Variants in EXOC1L observed in about 807,000 individuals in gnomAD.
The protein encoded by EXOC1L is exocyst complex component 1-like.
EXOC1L carries 10 observed loss-of-function variants against 4.9 expected under a neutral mutation model. The observed-to-expected ratio is 2.02, with a 90% CI of 1.25 to 3.43. The LOEUF is 3.43. Among genes scored for constraint, EXOC1L ranks in the 30% most tolerant of loss-of-function variants. The pLI is 0.00. For synonymous variants in EXOC1L, 41 were observed against 20.8 expected (o/e 1.97, Z -2.63); for missense variants, 114 against 59.4 (o/e 1.92, Z -3.02).
At chr4:55,827,338 C>A (rs1045576128) in intron 1 of EXOC1L, among the ~76,000 whole-genome samples, 1 of 152,182 alleles carries the variant, frequency 6.6e-6, no homozygotes, top group African/African-American at 2.4e-5. Flanking sequence ...CCATTTACAA[C>A]TCAGGTTACC....
chr4:55,835,132 T>C (rs1264119321), intron 2 of EXOC1L, among the ~76,000 whole-genome samples: 1 of 151,754 alleles, frequency 6.6e-6, no homozygotes, highest in Non-Finnish European at 1.5e-5. Flanking sequence ...TCCAATTCCA[T>C]CCAGGTTGCT....
chr4:55,819,940 G>A lies in EXOC1L; in HGVS notation c.-87G>A, dbSNP rs74737871. On this transcript the variant is annotated 5_prime_UTR_variant, in exon 1 of 3. Coordinates refer to ENST00000636125, the MANE Select transcript of EXOC1L (RefSeq NM_001351574.3). ...GGTGGGCAGGACTCACCAAGGAGCT[G>A]CAAACCCAAACGAGAAATCTAGGGA... 8.0e-3 allele frequency: 3,156 copies of A among 394,980 alleles called. 43 individuals are homozygous for A. The highest frequency in any genetic ancestry group is 0.043 in the African/African-American group (2,074 of 48,646). 24.5% of individuals were successfully genotyped at this position (394,980 alleles called of 1,614,324 possible).
At chr4:55,828,983 T>A (rs112936511) in intron 1 of EXOC1L, among the ~76,000 whole-genome samples, 1 of 152,210 alleles carries the variant, frequency 6.6e-6, no homozygotes, top group Admixed American at 6.5e-5. Context: ...TTGAGATAAT[T>A]TGTGGCTACT....
chr4:55,827,637 A>G (rs532190379), intron 1 of EXOC1L, among the ~76,000 whole-genome samples: 42 of 152,324 alleles, frequency 2.8e-4, no homozygotes, highest in Admixed American at 7.2e-4. Flanking sequence ...TAACATGTAG[A>G]TGAGGCAGTG....
At position 55,837,310 on chromosome 4, in the gene EXOC1L, T is replaced by A. The variant is rs1243186088; in HGVS notation, c.478T>A (p.Phe160Ile). Residue 160 changes from phenylalanine (F) to isoleucine (I), a missense_variant, in exon 3 of 3, where the codon TTC becomes ATC. Transcript: ENST00000636125. ...CCTTATGAGAATATGCTTTTACGCT[T>A]TCAATCTTGTGTGCTTGTCCCTATG... is the stretch of plus-strand genomic sequence containing the variant. ...LVLMRICFYA[F>I]NLVCLSLCPL... 1 of 663,362 alleles carries A rather than the reference T, an allele frequency of 1.5e-6. No homozygotes were observed. Among genetic ancestry groups the A allele is most frequent in the East Asian group, 2.7e-5 (1 of 36,566 alleles). The allele number at this position is 663,362 out of a possible 1,614,324, so 41.1% of individuals were successfully genotyped here.
At position 55,837,467 on chromosome 4, in the gene EXOC1L, A is replaced by G; in HGVS notation, c.*116A>G. On this transcript the variant is annotated 3_prime_UTR_variant, in exon 3 of 3. Coordinates refer to ENST00000636125, the MANE Select transcript of EXOC1L (RefSeq NM_001351574.3). Reference sequence around the variant, plus strand: ...TGATTATTATAATTTAAATAAAAATAAAGTAATGCTTTGTGAATTGCAGTG... The same window carrying G: ...TGATTATTATAATTTAAATAAAAATGAAGTAATGCTTTGTGAATTGCAGTG... 2.2e-6 allele frequency: 1 copy of G among 449,488 alleles called. No homozygotes were observed. Among genetic ancestry groups the G allele is most frequent in the Non-Finnish European group, 3.9e-6 (1 of 254,506 alleles). The allele number at this position is 449,488 out of a possible 1,614,324, so 27.8% of individuals were successfully genotyped here. A position where few individuals can be genotyped will look rare whatever the true frequency, so the allele number is the denominator to read the frequency against.
intron 1 of EXOC1L, among the ~76,000 whole-genome samples, chr4:55,831,009 C>A (rs990772621): frequency 6.6e-6 from 1 of 152,154 alleles, no homozygotes; most frequent in Non-Finnish European, 1.5e-5. Flanking sequence ...TAAGGCTAAG[C>A]CTCTTATTTC....
chr4:55,837,407 TATTG>T lies in EXOC1L; in HGVS notation c.*61_*64del, dbSNP rs1720199803. 6.9e-6 allele frequency: 3 copies of T among 435,390 alleles called. No individual in the cohort carries two copies. Among genetic ancestry groups the T allele is most frequent in the Non-Finnish European group, 4.1e-6 (1 of 245,988 alleles). 27.0% of individuals were successfully genotyped at this position (435,390 alleles called of 1,614,324 possible). On this transcript the variant is annotated 3_prime_UTR_variant, in exon 3 of 3. Coordinates refer to ENST00000636125, the MANE Select transcript of EXOC1L (RefSeq NM_001351574.3). The stretch of plus-strand genomic sequence containing the variant: ...CTATGAAAATGGTTTCCCAAGTAAA[TATTG>T]ATTGTCATAATTTTGTTTTTCCTTC...
intron 1 of EXOC1L, among the ~76,000 whole-genome samples, chr4:55,830,417 C>T (rs753192405): frequency 6.6e-5 from 10 of 152,092 alleles, no homozygotes; most frequent in Non-Finnish European, 1.5e-4. Flanking sequence ...CCCAGTGAAA[C>T]CATAAATTTT....
intron 1 of EXOC1L, among the ~76,000 whole-genome samples, chr4:55,825,321 A>G (rs888123634): frequency 3.3e-5 from 5 of 152,198 alleles, no homozygotes; most frequent in African/African-American, 4.8e-5. Flanking sequence ...GCTTCTAACC[A>G]GTAAGAGTAG....
intron 1 of EXOC1L, among the ~76,000 whole-genome samples, chr4:55,830,381 T>G (rs1027486535): frequency 2.6e-5 from 4 of 152,174 alleles, no homozygotes; most frequent in Non-Finnish European, 4.4e-5. Flanking sequence ...TGTTATTGTA[T>G]GTGACATGTG....
At chr4:55,821,896 C>T (rs1046256248) in intron 1 of EXOC1L, among the ~76,000 whole-genome samples, 9 of 152,182 alleles carry the variant, frequency 5.9e-5, no homozygotes, top group Non-Finnish European at 2.9e-5. Context: ...ATTAAAAATA[C>T]ATTTTGCTGG....
intron 1 of EXOC1L, among the ~76,000 whole-genome samples, chr4:55,826,522 G>A (rs1432340286): frequency 6.6e-6 from 1 of 152,180 alleles, no homozygotes. Flanking sequence ...TTCTGAAAAT[G>A]CTGACTAAAA....
At chr4:55,825,906 G>A (rs553585221) in intron 1 of EXOC1L, among the ~76,000 whole-genome samples, 1 of 152,054 alleles carries the variant, frequency 6.6e-6, no homozygotes, top group South Asian at 2.1e-4. Flanking sequence ...CCAACATGGT[G>A]AAACTCTGTC....
At chr4:55,829,046 C>G (rs922415410) in intron 1 of EXOC1L, among the ~76,000 whole-genome samples, 1 of 152,174 alleles carries the variant, frequency 6.6e-6, no homozygotes, top group Non-Finnish European at 1.5e-5. Flanking sequence ...AACTCACCCT[C>G]TCTACTTTCC....
chr4:55,823,714 C>G (rs201938894), intron 1 of EXOC1L, among the ~76,000 whole-genome samples: 1 of 72,348 alleles, frequency 1.4e-5, no homozygotes. Context: ...TTTGTTTGTT[C>G]GTTTGTTTGT....
At position 55,828,722 on chromosome 4, in the gene EXOC1L, T is replaced by G; in HGVS notation, c.122-2612T>G. Among the ~76,000 whole-genome samples, 2 of 152,092 alleles carry G rather than the reference T, an allele frequency of 1.3e-5. 1 individual carries two copies. The highest frequency in any genetic ancestry group is 2.9e-5 in the Non-Finnish European group (2 of 68,026). Reference sequence around the variant, plus strand: ...AGCCAGGCATAGTGGTGCATTCCTGTAGTCCCAGCTACTCAGGAGGCTGAG... The same window carrying G: ...AGCCAGGCATAGTGGTGCATTCCTGGAGTCCCAGCTACTCAGGAGGCTGAG... On this transcript the variant is annotated intron_variant, in intron 1 of 2. Transcript: ENST00000636125.
rs776523937 is a variant in EXOC1L, at chr4:55,820,056, G to A, written c.30G>A (p.Glu10=). Residue 10 remains glutamate, a synonymous_variant, in exon 1 of 3, where the codon GAG becomes GAA. Coordinates refer to ENST00000636125, the MANE Select transcript of EXOC1L (RefSeq NM_001351574.3). The part of the protein sequence containing the change: MSSLVKEDL[E]KKLFKPLSQN... ...CATCATTGGTAAAGGAGGACTTGGAGAAGAAACTGTTTAAGCCACTCTCGC... is the reference window on the plus strand; with the variant it reads ...CATCATTGGTAAAGGAGGACTTGGAAAAGAAACTGTTTAAGCCACTCTCGC... The A allele has an allele frequency of 2.5e-6, 1 of 398,996 alleles. No individual in the cohort carries two copies. The highest frequency in any genetic ancestry group is 4.4e-6 in the Non-Finnish European group (1 of 226,138). 24.7% of individuals were successfully genotyped at this position (398,996 alleles called of 1,614,324 possible).
At chr4:55,832,435 G>T (rs1259940356) in intron 2 of EXOC1L, among the ~76,000 whole-genome samples, 1 of 151,868 alleles carries the variant, frequency 6.6e-6, no homozygotes, top group African/African-American at 2.4e-5. Flanking sequence ...GTATGATTCA[G>T]ATTTAATGAG....
Sources: allele counts gnomAD v4.1 joint callset (sites outside exome capture counted in the v4.1 genomes callset), GRCh38; gene constraint gnomAD v4.1.1; transcripts MANE v1.5; gene names NCBI Gene and HGNC (gene_info 2026-07-23, HGNC 2026-07-21).